The following CCSAP variants were observed in gnomAD, a reference collection of about 807,000 sequenced individuals.
The protein encoded by CCSAP is centriole, cilia and spindle associated protein.
A neutral mutation model predicts 25.9 loss-of-function variants in CCSAP; 17 were observed. The ratio of observed to expected loss-of-function variants is 0.66; its 90% confidence interval spans 0.45 to 0.99. The LOEUF (loss-of-function observed/expected upper bound fraction) is 0.99. Ranked by LOEUF, CCSAP falls within the 50% of genes least tolerant of loss-of-function variation. CCSAP has a pLI of 0.00. For missense variants in CCSAP, 339 were observed against 367.8 expected, an observed-to-expected ratio of 0.92 and a Z score of 0.64; for synonymous variants, 169 against 157.1, an observed-to-expected ratio of 1.08 and a Z score of -0.57.
rs60399703 is a variant in CCSAP, at chr1:229,337,678, AAT to A, written c.367+4419_367+4420del. ...GAACAAGATCAAAGGCTCAAAAAAA[AAT>A]ATATATATATATATATATACACATA... On this transcript the variant is annotated intron_variant, in intron 2 of 3. Coordinates refer to ENST00000284617, the MANE Select transcript of CCSAP (RefSeq NM_145257.5). 1.3e-3 allele frequency among the ~76,000 whole-genome samples: 84 copies of A among 65,462 alleles called. 5 individuals are homozygous for A. The highest frequency in any genetic ancestry group is 3.5e-3 in the East Asian group (11 of 3,162). The allele number at this position is 65,462 out of a possible 152,430, so 42.9% of individuals were successfully genotyped here. A position where few individuals can be genotyped will look rare whatever the true frequency, so the allele number is the denominator to read the frequency against.
intron 2 of CCSAP, among the ~76,000 whole-genome samples, chr1:229,333,159 G>A (rs164037): frequency 0.46 from 69,533 of 152,014 alleles, 17,599 homozygotes; most frequent in African/African-American, 0.7. Context: ...TAGGCCGGGC[G>A]CGGTGGCTCA....
intron 2 of CCSAP, chr1:229,340,730 G>C: frequency 3.0e-6 from 1 of 329,404 alleles, no homozygotes; most frequent in Non-Finnish European, 5.5e-6. Flanking sequence ...AATAGCTGAA[G>C]ATGGTAAAAC....
intron 2 of CCSAP, among the ~76,000 whole-genome samples, chr1:229,327,950 G>T (rs1311623093): frequency 6.6e-6 from 1 of 152,028 alleles, no homozygotes; most frequent in African/African-American, 2.4e-5. Context: ...ATGAAATCAG[G>T]CCTGGGTCTG....
intron 2 of CCSAP, chr1:229,327,532 C>A: frequency 2.2e-6 from 1 of 456,264 alleles, no homozygotes; most frequent in Admixed American, 2.3e-5. Context: ...TCCATCGTTA[C>A]CGCCTAGGTG....
At position 229,342,400 on chromosome 1, in the gene CCSAP, C is replaced by A; in HGVS notation, c.66G>T (p.Glu22Asp). The A allele has an allele frequency of 6.8e-7, 1 of 1,481,382 alleles. No individual in the cohort carries two copies. Among genetic ancestry groups the A allele is most frequent in the Non-Finnish European group, 9.0e-7 (1 of 1,111,840 alleles). 91.8% of individuals were successfully genotyped at this position (1,481,382 alleles called of 1,614,324 possible). The change falls in exon 2 of 4, where the codon GAG becomes GAT. Residue 22 changes from glutamate (E) to aspartate (D), a missense_variant. Glu to Asp is a conservative substitution (Grantham distance 45, BLOSUM62 2). Transcript: ENST00000284617. This position sits in a 1 kb window ranked among gnomAD's most constrained non-coding sequence, Gnocchi z 7.5. ...GCAGCTCGCGGTAGCACGGCCCGTA[C>A]TCCTCCCAGCGCGGCTCCTGGTAGC... ...MKRYQEPRWE[E>D]YGPCYRELLH...
In CCSAP at chr1:229,325,214, GC is replaced by G. The variant is rs1657911944; in HGVS notation, c.*20del. Reference sequence around the variant, plus strand: ...CAGTCATTTACACTTTTTAAAAGAGGCTGTCCACGCAAGTGTTTCTTTAAGC... The same window carrying G: ...CAGTCATTTACACTTTTTAAAAGAGGTGTCCACGCAAGTGTTTCTTTAAGC... On this transcript the variant is annotated 3_prime_UTR_variant, in exon 4 of 4. Transcript: ENST00000284617. 6.4e-7 allele frequency: 1 copy of G among 1,557,810 alleles called. No homozygotes were observed. The highest frequency in any genetic ancestry group is 2.3e-5 in the East Asian group (1 of 43,818).
chr1:229,333,723 T>C (rs1658135468), intron 2 of CCSAP, among the ~76,000 whole-genome samples: 1 of 151,478 alleles, frequency 6.6e-6, no homozygotes, highest in African/African-American at 2.4e-5. Context: ...CTACTAAAAA[T>C]ACAAAAAATT....
chr1:229,341,957 G>C (rs560215279), intron 2 of CCSAP, 142 bp downstream of exon 2: 24 of 1,108,068 alleles, frequency 2.2e-5, no homozygotes, highest in Non-Finnish European at 2.7e-5. Flanking sequence ...ATTTTGTCAA[G>C]AGAGACGGAT....
chr1:229,323,097 A>G lies in CCSAP; in HGVS notation c.*2138T>C, dbSNP rs2102689383. On this transcript the variant is annotated 3_prime_UTR_variant, in exon 4 of 4. Coordinates refer to ENST00000284617, the MANE Select transcript of CCSAP (RefSeq NM_145257.5). The stretch of plus-strand genomic sequence containing the variant: ...AAAAGAAAGAAAAGAAACCCTAACC[A>G]ACTAAGGACTTGGATGTAAGATGAA... 6.6e-6 allele frequency: 1 copy of G among 152,324 alleles called. No individual in the cohort carries two copies. The allele number at this position is 152,324 out of a possible 1,614,324, so 9.4% of individuals were successfully genotyped here. A position where few individuals can be genotyped will look rare whatever the true frequency, so the allele number is the denominator to read the frequency against.
Position 229,342,704 on chromosome 1 carries a change from C to G in CCSAP, c.-48-191G>C, listed in dbSNP as rs1418527143. 2.0e-5 allele frequency among the ~76,000 whole-genome samples: 3 copies of G among 151,930 alleles called. No homozygotes were observed. Among genetic ancestry groups the G allele is most frequent in the African/African-American group, 7.2e-5 (3 of 41,382 alleles). ...AGAGCAGAGGCGGGGACCGGGGCTG[C>G]TGGGGTCGAGGGGCGCGCCGCCGAG... On this transcript the variant is annotated intron_variant, in intron 1 of 3. Transcript: ENST00000284617. The surrounding 1 kb of genome is among the most constrained non-coding windows in gnomAD (Gnocchi z 7.5).
chr1:229,329,811 T>G (rs1449100122), intron 2 of CCSAP, among the ~76,000 whole-genome samples: 1 of 151,970 alleles, frequency 6.6e-6, no homozygotes, highest in Non-Finnish European at 1.5e-5. Context: ...ACCAATATGG[T>G]AAAGCCCTGT....
intron 2 of CCSAP, among the ~76,000 whole-genome samples, chr1:229,339,995 GA>G (rs1387715200): frequency 6.6e-6 from 1 of 152,164 alleles, no homozygotes; most frequent in Non-Finnish European, 1.5e-5. Flanking sequence ...ATGTTACTTG[GA>G]GATACAGAAA....
intron 3 of CCSAP, among the ~76,000 whole-genome samples, chr1:229,326,435 C>T (rs1044705013): frequency 8.5e-5 from 13 of 152,352 alleles, no homozygotes; most frequent in Admixed American, 2.6e-4. Context: ...CCTAACCTTC[C>T]GGCCCCCCAG....
At chr1:229,336,924 A>C (rs937068407) in intron 2 of CCSAP, among the ~76,000 whole-genome samples, 2 of 152,198 alleles carry the variant, frequency 1.3e-5, no homozygotes, top group Non-Finnish European at 2.9e-5. Context: ...AAAAATTTCA[A>C]TAGAAATGTT....
rs237805 is a variant in CCSAP, at chr1:229,327,636, G to T, written c.368-630C>A. 8.6e-3 allele frequency: 3,893 copies of T among 454,138 alleles called. 134 individuals are homozygous for T. Among genetic ancestry groups the T allele is most frequent in the African/African-American group, 0.071 (3,531 of 50,028 alleles). 28.1% of individuals were successfully genotyped at this position (454,138 alleles called of 1,614,324 possible). ...TGTAATCCCAGCACTTTGGGAGGCCGAGGCGAGCGGATCACGAGGTCAGGA... is the reference window on the plus strand; with the variant it reads ...TGTAATCCCAGCACTTTGGGAGGCCTAGGCGAGCGGATCACGAGGTCAGGA... On this transcript the variant is annotated intron_variant, in intron 2 of 3. Coordinates refer to ENST00000284617, the MANE Select transcript of CCSAP (RefSeq NM_145257.5).
intron 2 of CCSAP, among the ~76,000 whole-genome samples, chr1:229,339,992 T>C (rs1048379903): frequency 3.3e-5 from 5 of 152,166 alleles, no homozygotes; most frequent in Non-Finnish European, 5.9e-5. Flanking sequence ...GCCATGTTAC[T>C]TGGAGATACA....
At chr1:229,340,577 A>C in intron 2 of CCSAP, 1 of 603,732 alleles carries the variant, frequency 1.7e-6, no homozygotes, top group South Asian at 2.1e-5. Context: ...CCACAGGAAT[A>C]ATCTGGAAGG....
chr1:229,327,047 C>G, intron 2 of CCSAP, 41 bp from the exon 3 acceptor site: 1 of 1,490,242 alleles, frequency 6.7e-7, no homozygotes, highest in Non-Finnish European at 9.1e-7. Flanking sequence ...ACTTTGAAAT[C>G]AGATTTATAT....
chr1:229,321,298 A>C lies in CCSAP; in HGVS notation c.*3937T>G, dbSNP rs1197077351. 6 of 152,310 alleles carry C rather than the reference A, an allele frequency of 3.9e-5. No homozygotes were observed. Among genetic ancestry groups the C allele is most frequent in the Admixed American group, 3.9e-4 (6 of 15,300 alleles). The allele number at this position is 152,310 out of a possible 1,614,324, so 9.4% of individuals were successfully genotyped here. A position where few individuals can be genotyped will look rare whatever the true frequency, so the allele number is the denominator to read the frequency against. On this transcript the variant is annotated 3_prime_UTR_variant, in exon 4 of 4. Coordinates refer to ENST00000284617, the MANE Select transcript of CCSAP (RefSeq NM_145257.5). ...CTTCATTCAAGTGTCGAGAATTTCA[A>C]AATGGAAATAATATTAAAAGAGCAA...
Sources: gnomAD v4.1 joint callset for allele counts (sites outside exome capture counted in the v4.1 genomes callset) on GRCh38, gnomAD v4.1.1 for gene constraint, Gnocchi (gnomAD v3.1) non-coding constraint, MANE v1.5 for transcripts, NCBI Gene and HGNC (gene_info 2026-07-23, HGNC 2026-07-21) for gene names.